The following KIAA0753 variants were observed in gnomAD, a reference collection of about 807,000 sequenced individuals.
The protein encoded by KIAA0753 is protein moonraker.
In KIAA0753, 114 loss-of-function variants were observed where a neutral mutation model predicts 116.9. The ratio of observed to expected loss-of-function variants is 0.98; its 90% CI spans 0.84 to 1.14. The LOEUF is 1.14. KIAA0753 is among the 50% of genes most tolerant of loss of function. The pLI, the probability that KIAA0753 is intolerant of heterozygous loss-of-function variation, is 0.00. For missense variants in KIAA0753, 1,156 were observed against 1,172.4 expected (o/e 0.99, Z 0.20); for synonymous variants, 405 against 413.1 (o/e 0.98, Z 0.24).
intron 18 of KIAA0753, among the ~76,000 whole-genome samples, chr17:6,587,950 T>C (rs1026353505): frequency 6.6e-6 from 1 of 152,178 alleles, no homozygotes; most frequent in Non-Finnish European, 1.5e-5. Flanking sequence ...CCTAAGAGTC[T>C]GTAAGTGGGG....
At chr17:6,619,288 G>A (rs1971141947) in intron 7 of KIAA0753, among the ~76,000 whole-genome samples, 2 of 151,992 alleles carry the variant, frequency 1.3e-5, no homozygotes, top group African/African-American at 2.4e-5. Flanking sequence ...ATTGGAAGGG[G>A]TAACTCAAGG....
chr17:6,628,057 C>T (rs1971783737), intron 3 of KIAA0753, 60 bp downstream of exon 3: 1 of 1,491,736 alleles, frequency 6.7e-7, no homozygotes. Flanking sequence ...TCAAGGAATG[C>T]ATTTAAACTA....
intron 16 of KIAA0753, among the ~76,000 whole-genome samples, chr17:6,591,995 C>T (rs1184319532): frequency 2.6e-5 from 4 of 152,222 alleles, no homozygotes; most frequent in East Asian, 1.9e-4. Context: ...CCAGAAAGTG[C>T]TATGGGTGTT....
rs1400231917 is a variant in KIAA0753, at chr17:6,594,972, C to G, written c.2440G>C (p.Asp814His). The change falls in exon 16 of 19, where the codon GAC becomes CAC. Residue 814 changes from aspartate (D) to histidine (H), a missense_variant and splice_region_variant. By Grantham distance (81) the Asp-to-His change is moderately conservative (BLOSUM62 -1). Transcript: ENST00000361413. ...GGGAAAAACATGGGGAAACACTCAC[C>G]ATTGTTTTCTTCCTGCATCCAAAGT... ...PRLWMQEENN[D>H]QKISAISEKP... The G allele has an allele frequency of 6.2e-7, 1 of 1,604,936 alleles. No individual in the cohort carries two copies. The highest frequency in any genetic ancestry group is 1.1e-5 in the South Asian group (1 of 90,160).
At chr17:6,598,508 T>C (rs1481109825) in intron 14 of KIAA0753, among the ~76,000 whole-genome samples, 1 of 152,224 alleles carries the variant, frequency 6.6e-6, no homozygotes, top group African/African-American at 2.4e-5. Context: ...TCATTCCAAT[T>C]TCCTTCTGCT....
At chr17:6,599,109 A>G in intron 14 of KIAA0753, 128 bp downstream of exon 14, 1 of 679,088 alleles carries the variant, frequency 1.5e-6, no homozygotes, top group Non-Finnish European at 2.6e-6. Flanking sequence ...CCAAATGTGA[A>G]AAATAATATT....
chr17:6,597,426 C>G (rs537522630), intron 14 of KIAA0753, among the ~76,000 whole-genome samples: 4 of 151,986 alleles, frequency 2.6e-5, no homozygotes, highest in Non-Finnish European at 5.9e-5. Context: ...AATACTATGT[C>G]CCATTAAAAA....
intron 16 of KIAA0753, among the ~76,000 whole-genome samples, chr17:6,594,277 A>ACCC (rs34010703): frequency 7.0e-6 from 1 of 141,944 alleles, no homozygotes; most frequent in African/African-American, 2.5e-5. Context: ...TCAGATTCTG[A>ACCC]CCCCCCCCCC....
chr17:6,608,570 G>T, intron 9 of KIAA0753, 106 bp from the exon 10 acceptor site: 1 of 527,910 alleles, frequency 1.9e-6, no homozygotes. Context: ...AATTAATGGT[G>T]ATCTGTAGCA....
At chr17:6,613,174 G>T (rs1970667026) in intron 7 of KIAA0753, among the ~76,000 whole-genome samples, 1 of 151,814 alleles carries the variant, frequency 6.6e-6, no homozygotes, top group East Asian at 1.9e-4. Flanking sequence ...GAAAATATAA[G>T]AAAAAAATCT....
intron 12 of KIAA0753, among the ~76,000 whole-genome samples, chr17:6,606,543 C>T (rs2038850983): frequency 6.6e-6 from 1 of 152,150 alleles, no homozygotes; most frequent in African/African-American, 2.4e-5. Context: ...CATGTATGTG[C>T]ATCATACTCA....
intron 12 of KIAA0753, among the ~76,000 whole-genome samples, chr17:6,603,917 A>C (rs919569699): frequency 1.3e-5 from 2 of 152,214 alleles, no homozygotes. Context: ...AGAGCAAACA[A>C]GTACATGAAA....
intron 16 of KIAA0753, among the ~76,000 whole-genome samples, chr17:6,591,012 A>AGAAGAAGGAAGAAGGAAGAAG (rs1314690341): frequency 3.5e-5 from 3 of 84,680 alleles, no homozygotes; most frequent in East Asian, 3.7e-4. Flanking sequence ...AGAAGAAGGA[A>AGAAGAAGGAAGAAGGAAGAAG]GAAGAAGGAA....
In KIAA0753 at chr17:6,600,404, C is replaced by T. The variant is rs1420767034; in HGVS notation, c.2064G>A (p.Leu688=). The T allele has an allele frequency of 6.2e-7, 1 of 1,613,848 alleles. No homozygotes were observed. Among genetic ancestry groups the T allele is most frequent in the Non-Finnish European group, 8.5e-7 (1 of 1,179,856 alleles). Residue 688 remains leucine (L), a synonymous_variant, in exon 13 of 19, where the codon TTG becomes TTA. Transcript: ENST00000361413. The part of the protein sequence containing the change: ...DKVEEAVLDR[L]KPLLVKAQRV... ...CCTGGGCCTTGACCAAGAGAGGCTT[C>T]AAACGATCCAGAACTGCCTCCTCTA...
chr17:6,626,979 T>C (rs889869642), intron 3 of KIAA0753, among the ~76,000 whole-genome samples: 1 of 152,158 alleles, frequency 6.6e-6, no homozygotes, highest in African/African-American at 2.4e-5. Flanking sequence ...CTAAGGAATA[T>C]CAAGAGAAAC....
At chr17:6,595,346 G>C (rs1166934878) in intron 15 of KIAA0753, among the ~76,000 whole-genome samples, 2 of 152,212 alleles carry the variant, frequency 1.3e-5, no homozygotes, top group African/African-American at 2.4e-5. Context: ...TGACTCCTTA[G>C]AGTGTATTTA....
At chr17:6,595,167 A>T in intron 15 of KIAA0753, 114 bp from the exon 16 acceptor site, 1 of 693,294 alleles carries the variant, frequency 1.4e-6, no homozygotes, top group Non-Finnish European at 2.5e-6. Flanking sequence ...ACGTACTGCC[A>T]GACATGGGCA....
chr17:6,605,782 TGA>T lies in KIAA0753; in HGVS notation c.2009+1089_2009+1090del, dbSNP rs557501399. ...GCAGCAGTGGCAACGGTCGATTCCT[TGA>T]CTTACGATGGTGGTGCGTGGATGTT... On this transcript the variant is annotated intron_variant, in intron 12 of 18. Coordinates refer to ENST00000361413, the MANE Select transcript of KIAA0753 (RefSeq NM_014804.3). 4.4e-3 allele frequency among the ~76,000 whole-genome samples: 677 copies of T among 152,264 alleles called. 3 individuals carry two copies. The highest frequency in any genetic ancestry group is 0.015 in the African/African-American group (609 of 41,550).
Position 6,590,707 on chromosome 17 carries a change from G to A in KIAA0753, c.2441-77C>T. 16 of 1,518,110 alleles carry A rather than the reference G, an allele frequency of 1.1e-5. No homozygotes were observed. The South Asian group carries it at 1.8e-4, about 17-fold the overall frequency. 94.0% of individuals were successfully genotyped at this position (1,518,110 alleles called of 1,614,324 possible). On this transcript the variant is annotated intron_variant, in intron 16 of 18. Transcript: ENST00000361413. ...ATTTTAGAGCTGTTCTAGTGGCCAAGAACCTGAGAGCAAGTTACATGGACA... is the reference window on the plus strand; with the variant it reads ...ATTTTAGAGCTGTTCTAGTGGCCAAAAACCTGAGAGCAAGTTACATGGACA...
Sources: gnomAD v4.1 joint callset for allele counts (sites outside exome capture counted in the v4.1 genomes callset) on GRCh38, gnomAD v4.1.1 for gene constraint, MANE v1.5 for transcripts, NCBI Gene and HGNC (gene_info 2026-07-23, HGNC 2026-07-21) for gene names.